Variants in ITGA8 observed in about 807,000 individuals in gnomAD.
ITGA8 encodes the protein integrin subunit alpha 8, also known as integrin alpha-8.
In ITGA8, 91 loss-of-function variants were observed where a neutral mutation model predicts 142.3. The ratio of observed to expected loss-of-function variants is 0.64; its 90% CI spans 0.54 to 0.76. The LOEUF is 0.76. Ranked by LOEUF, ITGA8 falls within the 30% of genes least tolerant of loss-of-function variation. ITGA8 has a pLI of 0.00. For synonymous variants in ITGA8, 505 were observed against 485.2 expected (o/e 1.04, Z -0.54); for missense variants, 1,406 against 1,327.7 (o/e 1.06, Z -0.92).
chr10:15,699,535 G>A (rs368635952), intron 2 of ITGA8, among the ~76,000 whole-genome samples: 2 of 152,266 alleles, frequency 1.3e-5, no homozygotes, highest in East Asian at 1.9e-4. Flanking sequence ...CATTGCATCC[G>A]ATTGAGTAAT....
chr10:15,516,629 T>C lies in ITGA8; in HGVS notation c.*529A>G, dbSNP rs1281773692. 2.0e-5 allele frequency: 3 copies of C among 152,266 alleles called. No individual in the cohort carries two copies. The allele number at this position is 152,266 out of a possible 1,614,324, so 9.4% of individuals were successfully genotyped here. On this transcript the variant is annotated 3_prime_UTR_variant, in exon 30 of 30. Transcript: ENST00000378076. ...TGTCCTTTCAAAAGTACTTTCACAG[T>C]ACCAACAACATATTGCTTGTCTCCC...
intron 2 of ITGA8, among the ~76,000 whole-genome samples, chr10:15,710,328 A>G (rs1835340715): frequency 6.6e-6 from 1 of 152,178 alleles, no homozygotes; most frequent in Non-Finnish European, 1.5e-5. Flanking sequence ...ATGGTTATAT[A>G]ATATTTAATT....
intron 26 of ITGA8, among the ~76,000 whole-genome samples, chr10:15,556,018 C>CTCTT (rs1564349894): frequency 1.5e-4 from 8 of 53,630 alleles, no homozygotes; most frequent in East Asian, 5.8e-4. Flanking sequence ...CTCTCTCTCT[C>CTCTT]TTTTTTTTTT....
chr10:15,534,023 CA>C (rs1457497560), intron 27 of ITGA8, among the ~76,000 whole-genome samples: 1 of 152,068 alleles, frequency 6.6e-6, no homozygotes, highest in Non-Finnish European at 1.5e-5. Context: ...TCTCCTGCCT[CA>C]GCCTCCCAAG....
At chr10:15,698,198 T>C (rs1835092931) in intron 2 of ITGA8, among the ~76,000 whole-genome samples, 1 of 152,232 alleles carries the variant, frequency 6.6e-6, no homozygotes. Context: ...CTCAGAATAA[T>C]GGTCTCCAAT....
At chr10:15,666,856 G>C (rs976264728) in intron 8 of ITGA8, among the ~76,000 whole-genome samples, 26 of 152,240 alleles carry the variant, frequency 1.7e-4, no homozygotes, top group Admixed American at 4.6e-4. Context: ...CCTTGCATCC[G>C]AGGGATGAAG....
chr10:15,619,298 A>T (rs551133708), intron 13 of ITGA8, among the ~76,000 whole-genome samples: 24 of 150,318 alleles, frequency 1.6e-4, no homozygotes, highest in African/African-American at 2.7e-4. Context: ...GTTAAAATTT[A>T]AAAAAAAATG....
chr10:15,561,239 ATATATATATATATATG>A (rs1418766545), intron 25 of ITGA8, among the ~76,000 whole-genome samples: 1 of 97,704 alleles, frequency 1.0e-5, no homozygotes, highest in African/African-American at 7.6e-5. Context: ...ATATATGTAT[ATATATATATATATATG>A]TATGTAAAAT....
Position 15,591,346 on chromosome 10 carries a change from G to C in ITGA8, c.2291+879C>G, listed in dbSNP as rs1177394253. Among the ~76,000 whole-genome samples the C allele has an allele frequency of 1.6e-3, 239 of 150,366 alleles. 9 individuals are homozygous for C. Among genetic ancestry groups the C allele is most frequent in the Non-Finnish European group, 1.9e-4 (13 of 67,674 alleles). On this transcript the variant is annotated intron_variant, in intron 22 of 29. Coordinates refer to ENST00000378076, the MANE Select transcript of ITGA8 (RefSeq NM_003638.3). ...CACAAAAAATACATACATCTCACTA[G>C]ACATCTTACTACACATATTTATACT...
chr10:15,607,910 G>A (rs1588672262), intron 16 of ITGA8, 79 bp from the exon 17 acceptor site: 1 of 1,278,052 alleles, frequency 7.8e-7, no homozygotes, highest in East Asian at 2.3e-5. Context: ...TCTATTTCAA[G>A]TTGCTTATTC....
At chr10:15,567,748 A>G (rs908142291) in intron 25 of ITGA8, among the ~76,000 whole-genome samples, 3 of 152,124 alleles carry the variant, frequency 2.0e-5, no homozygotes, top group Non-Finnish European at 4.4e-5. Context: ...GGGACAATTC[A>G]CAGGGGAAAC....
At chr10:15,632,816 T>C (rs1039579434) in intron 13 of ITGA8, among the ~76,000 whole-genome samples, 1 of 152,064 alleles carries the variant, frequency 6.6e-6, no homozygotes, top group Non-Finnish European at 1.5e-5. Flanking sequence ...TAACGATATA[T>C]AGACAGTGGG....
At chr10:15,675,412 C>A (rs919581830) in intron 6 of ITGA8, among the ~76,000 whole-genome samples, 1 of 152,200 alleles carries the variant, frequency 6.6e-6, no homozygotes, top group African/African-American at 2.4e-5. Flanking sequence ...CAGCATATAT[C>A]CAACCCATCA....
intron 24 of ITGA8, among the ~76,000 whole-genome samples, chr10:15,572,764 T>C (rs1247592879): frequency 6.6e-6 from 1 of 152,250 alleles, no homozygotes; most frequent in Non-Finnish European, 1.5e-5. Context: ...CTTTCTTGAC[T>C]ACTGACTGTC....
chr10:15,575,038 C>T (rs1201790816), intron 24 of ITGA8, among the ~76,000 whole-genome samples: 1 of 152,154 alleles, frequency 6.6e-6, no homozygotes, highest in Non-Finnish European at 1.5e-5. Flanking sequence ...ACACCCACTA[C>T]ACCCCACTGC....
chr10:15,518,913 C>T (rs1833008895), intron 29 of ITGA8, among the ~76,000 whole-genome samples: 1 of 151,970 alleles, frequency 6.6e-6, no homozygotes, highest in Non-Finnish European at 1.5e-5. Flanking sequence ...ATGATAGGGC[C>T]ATGTCAATAA....
At chr10:15,585,195 A>T (rs900263557) in intron 23 of ITGA8, among the ~76,000 whole-genome samples, 13 of 152,346 alleles carry the variant, frequency 8.5e-5, no homozygotes, top group Middle Eastern at 3.4e-3. Context: ...TTTTATGTAG[A>T]TAAGTTTCAA....
intron 7 of ITGA8, among the ~76,000 whole-genome samples, chr10:15,671,928 A>T (rs1218704216): frequency 6.6e-6 from 1 of 151,958 alleles, no homozygotes. Flanking sequence ...TCAATTTTAA[A>T]AGCATGGATA....
chr10:15,648,769 G>A (rs1052658368), intron 11 of ITGA8, among the ~76,000 whole-genome samples: 1 of 152,100 alleles, frequency 6.6e-6, no homozygotes, highest in Admixed American at 6.6e-5. Flanking sequence ...GCCTTGTGGT[G>A]TTTATCTATT....
Sources: allele counts gnomAD v4.1 joint callset (sites outside exome capture counted in the v4.1 genomes callset), GRCh38; gene constraint gnomAD v4.1.1; transcripts MANE v1.5; gene names NCBI Gene and HGNC (gene_info 2026-07-23, HGNC 2026-07-21).